The following PRDM10 variants were observed in gnomAD, a reference collection of about 807,000 sequenced individuals.
PRDM10 encodes the protein PR domain zinc finger protein 10.
In PRDM10, 65 loss-of-function variants were observed where a neutral mutation model predicts 133.1. The ratio of observed to expected loss-of-function variants is 0.49; its 90% confidence interval spans 0.40 to 0.60. The LOEUF is 0.60. Ranked by LOEUF, PRDM10 falls within the 20% of genes least tolerant of loss-of-function variation. PRDM10 has a pLI of 0.00. For synonymous variants in PRDM10, 582 were observed against 580.4 expected (o/e 1.00, Z -0.04); for missense variants, 1,137 against 1,507.1 (o/e 0.75, Z 4.07).
At chr11:129,994,297 T>TA (rs546788739) in intron 1 of PRDM10, among the ~76,000 whole-genome samples, 23 of 95,500 alleles carry the variant, frequency 2.4e-4, no homozygotes, top group East Asian at 8.5e-4. Flanking sequence ...CCATCTCTAC[T>TA]AAAAAAAAAG....
intron 6 of PRDM10, among the ~76,000 whole-genome samples, chr11:129,944,386 A>G (rs1395666107): frequency 6.6e-6 from 1 of 151,482 alleles, no homozygotes; most frequent in Non-Finnish European, 1.5e-5. Flanking sequence ...CGAGGTCAGG[A>G]GATCGAGACC....
rs754434690 is a variant in PRDM10, at chr11:129,914,885, T to C, written c.2660A>G (p.Glu887Gly). ...AVLTTDSATGETVVTTDLLTQ... is the reference protein window; with the variant it reads ...AVLTTDSATGGTVVTTDLLTQ... ...GAGCAGGTCCGTCGTCACCACAGTCTCTCCAGTGGCGCTGTCTGTAGTCAA... is the reference window on the plus strand; with the variant it reads ...GAGCAGGTCCGTCGTCACCACAGTCCCTCCAGTGGCGCTGTCTGTAGTCAA... The change falls in exon 17 of 21, where the codon GAG (glutamate) becomes GGG (glycine). Residue 887 changes from glutamate (E) to glycine (G), a missense_variant. This residue lies in a region of PRDM10 where 113 missense variants were observed against 143.7 expected (regional missense o/e 0.79). Transcript: ENST00000360871. 4 of 1,613,992 alleles carry C rather than the reference T, an allele frequency of 2.5e-6. No individual in the cohort carries two copies. Among genetic ancestry groups the C allele is most frequent in the Non-Finnish European group, 3.4e-6 (4 of 1,180,020 alleles).
intron 1 of PRDM10, among the ~76,000 whole-genome samples, chr11:129,978,713 C>T (rs949370477): frequency 6.6e-6 from 1 of 152,214 alleles, no homozygotes; most frequent in East Asian, 1.9e-4. Context: ...TTTCCTTGTG[C>T]ACAAAGGGCT....
intron 19 of PRDM10, among the ~76,000 whole-genome samples, chr11:129,909,267 T>C (rs563081844): frequency 2.6e-5 from 4 of 151,060 alleles, no homozygotes; most frequent in Non-Finnish European, 4.4e-5. Flanking sequence ...CTGGCAAACA[T>C]GGTGAAACCC....
chr11:129,957,915 C>A lies in PRDM10; in HGVS notation c.70-5G>T, dbSNP rs374177686. 1.1e-5 allele frequency: 17 copies of A among 1,605,968 alleles called. No homozygotes were observed. The highest frequency in any genetic ancestry group is 1.3e-5 in the Non-Finnish European group (15 of 1,175,384). On this transcript the variant is annotated splice_polypyrimidine_tract_variant and splice_region_variant and intron_variant, in intron 2 of 20. Coordinates refer to ENST00000360871, the MANE Select transcript of PRDM10 (RefSeq NM_199437.2). ...TGTGTCCGGAACAAAGTGCACCTGG[C>A]ATAAACAGGAGACAAAGAACAAAAT... is the stretch of plus-strand genomic sequence containing the variant.
intron 14 of PRDM10, among the ~76,000 whole-genome samples, chr11:129,917,870 C>T (rs1950405591): frequency 6.6e-6 from 1 of 152,188 alleles, no homozygotes; most frequent in Non-Finnish European, 1.5e-5. Flanking sequence ...GTGGCTCACG[C>T]CTGTAATCCC....
At chr11:129,922,101 T>C (rs1950538681) in intron 13 of PRDM10, among the ~76,000 whole-genome samples, 1 of 152,228 alleles carries the variant, frequency 6.6e-6, no homozygotes, top group Non-Finnish European at 1.5e-5. Flanking sequence ...ATTAAGTTCT[T>C]AGTCCTGTAA....
At chr11:129,922,762 T>G (rs1280718373) in intron 13 of PRDM10, among the ~76,000 whole-genome samples, 1 of 152,232 alleles carries the variant, frequency 6.6e-6, no homozygotes, top group Non-Finnish European at 1.5e-5. Flanking sequence ...TTACGGATAC[T>G]CATAATGTTT....
chr11:129,929,395 A>C, intron 11 of PRDM10: 1 of 1,567,324 alleles, frequency 6.4e-7, no homozygotes, highest in Non-Finnish European at 8.7e-7. Context: ...TGTGAAACAC[A>C]GGAAACAAAC....
intron 11 of PRDM10, among the ~76,000 whole-genome samples, chr11:129,927,734 A>G (rs1242318392): frequency 6.6e-6 from 1 of 152,140 alleles, no homozygotes; most frequent in Non-Finnish European, 1.5e-5. Flanking sequence ...TATTTCTCTG[A>G]TCTAATGATA....
At chr11:129,904,188 T>C (rs936343110) in intron 20 of PRDM10, among the ~76,000 whole-genome samples, 1 of 137,566 alleles carries the variant, frequency 7.3e-6, no homozygotes, top group Admixed American at 7.2e-5. Flanking sequence ...AGAAAAAAAA[T>C]CAGGTTTTTG....
rs552753332 is a variant in PRDM10 at position 129,986,665 on chromosome 11, T to C, written c.-119+16057A>G. Among the ~76,000 whole-genome samples, 329 of 152,296 alleles carry C rather than the reference T, an allele frequency of 2.2e-3. 1 individual carries two copies. Among genetic ancestry groups the C allele is most frequent in the Non-Finnish European group, 3.0e-3 (204 of 68,010 alleles). ...AGGTCTCCCAAAGTGCGTGAGCCAC[T>C]GCACCAAGTCTGCTGCATGACTTTG... On this transcript the variant is annotated intron_variant, in intron 1 of 20. Coordinates refer to ENST00000360871, the MANE Select transcript of PRDM10 (RefSeq NM_199437.2).
intron 20 of PRDM10, among the ~76,000 whole-genome samples, chr11:129,903,286 G>A (rs923506342): frequency 8.7e-6 from 1 of 114,430 alleles, no homozygotes; most frequent in Non-Finnish European, 1.9e-5. Context: ...CAACAAGAGC[G>A]AAACTCCGTC....
chr11:129,954,823 C>T lies in PRDM10; in HGVS notation c.294+689G>A, dbSNP rs59812955. 3.9e-5 allele frequency among the ~76,000 whole-genome samples: 6 copies of T among 152,196 alleles called. No homozygotes were observed. In the East Asian group the frequency reaches 9.7e-4, roughly 24 times the overall value. On this transcript the variant is annotated intron_variant, in intron 4 of 20. Coordinates refer to ENST00000360871, the MANE Select transcript of PRDM10 (RefSeq NM_199437.2). ...AAGTAGCTGGAACCACAGGTGTGCA[C>T]CACCACACCTGGCTAATTTTTAAAT...
At chr11:129,964,277 T>C (rs1458738709) in intron 1 of PRDM10, among the ~76,000 whole-genome samples, 1 of 152,194 alleles carries the variant, frequency 6.6e-6, no homozygotes, top group East Asian at 1.9e-4. Context: ...GTCTTTGTTT[T>C]CATTTCTAGA....
rs181263975 is a variant in PRDM10, at chr11:129,936,995, C to T, written c.1039+603G>A. ...TGAATCTCACAAATACCATGTTGAG[C>T]AAAAGATGCCCAGGCACAAAAAGTG... On this transcript the variant is annotated intron_variant, in intron 8 of 20. Coordinates refer to ENST00000360871, the MANE Select transcript of PRDM10 (RefSeq NM_199437.2). Among the ~76,000 whole-genome samples the T allele has an allele frequency of 3.1e-3, 470 of 152,284 alleles. 2 individuals carry two copies. Among genetic ancestry groups the T allele is most frequent in the African/African-American group, 0.011 (446 of 41,564 alleles).
chr11:129,982,694 T>C (rs1029909116), intron 1 of PRDM10, among the ~76,000 whole-genome samples: 3 of 152,152 alleles, frequency 2.0e-5, no homozygotes, highest in Non-Finnish European at 4.4e-5. Flanking sequence ...TTCACGCCTA[T>C]AATCCCAGAA....
intron 1 of PRDM10, among the ~76,000 whole-genome samples, chr11:129,996,977 A>G (rs1391796618): frequency 6.6e-6 from 1 of 152,200 alleles, no homozygotes; most frequent in Non-Finnish European, 1.5e-5. Context: ...GCCCAAGATC[A>G]CAGCCAGCAA....
intron 3 of PRDM10, among the ~76,000 whole-genome samples, chr11:129,957,232 G>A (rs1237085779): frequency 1.3e-5 from 2 of 152,166 alleles, no homozygotes; most frequent in Non-Finnish European, 2.9e-5. Flanking sequence ...AGCTATATAC[G>A]AACCCATGCT....
Sources: allele counts gnomAD v4.1 joint callset (sites outside exome capture counted in the v4.1 genomes callset), GRCh38; gene constraint gnomAD v4.1.1; regional missense constraint gnomAD v4.1.1; transcripts MANE v1.5; gene names NCBI Gene and HGNC (gene_info 2026-07-23, HGNC 2026-07-21).